The following SNTG1 variants were observed in gnomAD, a reference collection of about 807,000 sequenced individuals.
The protein encoded by SNTG1 is gamma-1-syntrophin.
In SNTG1, 39 loss-of-function variants were observed where a neutral mutation model predicts 74.7. The ratio of observed to expected loss-of-function variants is 0.52; its 90% CI spans 0.40 to 0.68. SNTG1 has a LOEUF of 0.68. Among genes scored for constraint, SNTG1 ranks in the 30% least tolerant of loss-of-function variants. The pLI, the probability that SNTG1 is intolerant of heterozygous loss-of-function variation, is 0.00. For missense variants in SNTG1, 685 were observed against 609.5 expected (o/e 1.12, Z -1.30); for synonymous variants, 254 against 217.1 (o/e 1.17, Z -1.49).
intron 17 of SNTG1, among the ~76,000 whole-genome samples, chr8:50,745,366 T>A (rs1563802109): frequency 6.6e-6 from 1 of 151,954 alleles, no homozygotes; most frequent in Non-Finnish European, 1.5e-5. Context: ...TTCATTGGGA[T>A]GGCAAAAATC....
At chr8:50,533,264 G>A (rs1468396824) in intron 10 of SNTG1, among the ~76,000 whole-genome samples, 1 of 152,166 alleles carries the variant, frequency 6.6e-6, no homozygotes, top group Non-Finnish European at 1.5e-5. Flanking sequence ...CTTCTTAACT[G>A]TACACCTTTA....
chr8:50,221,660 C>T (rs2085075823), intron 2 of SNTG1, among the ~76,000 whole-genome samples: 2 of 151,676 alleles, frequency 1.3e-5, no homozygotes, highest in South Asian at 4.2e-4. Context: ...TATGTGTGAC[C>T]CATTTAAAAA....
chr8:50,622,528 C>T (rs976122530), intron 13 of SNTG1, among the ~76,000 whole-genome samples: 3 of 151,942 alleles, frequency 2.0e-5, no homozygotes, highest in Admixed American at 6.6e-5. Flanking sequence ...TTAAGGTAGT[C>T]GTTTAGTTAG....
intron 2 of SNTG1, among the ~76,000 whole-genome samples, chr8:50,213,692 T>C (rs2084633200): frequency 6.6e-6 from 1 of 151,856 alleles, no homozygotes; most frequent in Non-Finnish European, 1.5e-5. Context: ...ATGGTGAGCA[T>C]TTTTTCATGT....
At chr8:50,688,259 A>AAGGGC (rs1201654602) in intron 15 of SNTG1, among the ~76,000 whole-genome samples, 3 of 152,138 alleles carry the variant, frequency 2.0e-5, no homozygotes. Flanking sequence ...TCTTTAGTTT[A>AAGGGC]ATTAGATCCC....
chr8:50,553,221 G>A, intron 12 of SNTG1, 42 bp downstream of exon 12: 1 of 1,611,230 alleles, frequency 6.2e-7, no homozygotes. Flanking sequence ...GGTTTCTCAG[G>A]CTTTATAAAA....
chr8:50,347,984 G>C (rs1260775435), intron 2 of SNTG1, among the ~76,000 whole-genome samples: 1 of 152,128 alleles, frequency 6.6e-6, no homozygotes, highest in Non-Finnish European at 1.5e-5. Context: ...ACTTCCCCAA[G>C]AAACATTTTT....
intron 9 of SNTG1, among the ~76,000 whole-genome samples, chr8:50,505,149 T>C (rs1367897360): frequency 4.6e-5 from 7 of 152,320 alleles, no homozygotes; most frequent in African/African-American, 1.7e-4. Context: ...ATCTATGTTG[T>C]AGAATAGGAC....
intron 17 of SNTG1, among the ~76,000 whole-genome samples, chr8:50,731,257 G>A (rs1394949217): frequency 6.6e-6 from 1 of 152,088 alleles, no homozygotes; most frequent in Admixed American, 6.6e-5. Context: ...CACAAAAGGA[G>A]ATAAACAGGA....
At chr8:50,151,461 G>A (rs1027465056) in intron 1 of SNTG1, among the ~76,000 whole-genome samples, 1 of 151,982 alleles carries the variant, frequency 6.6e-6, no homozygotes, top group Admixed American at 6.6e-5. Context: ...GCTTTTGAAT[G>A]TGTTTCCTCT....
chr8:50,006,729 C>T (rs1815277453), intron 1 of SNTG1, among the ~76,000 whole-genome samples: 1 of 152,102 alleles, frequency 6.6e-6, no homozygotes, highest in Non-Finnish European at 1.5e-5. Flanking sequence ...TTTGGGTGAG[C>T]AGACGAAACT....
At chr8:50,126,585 A>G (rs914243006) in intron 1 of SNTG1, among the ~76,000 whole-genome samples, 4 of 152,018 alleles carry the variant, frequency 2.6e-5, no homozygotes, top group African/African-American at 9.7e-5. Flanking sequence ...TATAAAGCAT[A>G]TATACATTTA....
intron 2 of SNTG1, among the ~76,000 whole-genome samples, chr8:50,362,555 C>T (rs1327287683): frequency 2.0e-5 from 3 of 151,428 alleles, no homozygotes; most frequent in East Asian, 3.9e-4. Flanking sequence ...TGATTTAGCA[C>T]TCTAATTTTC....
At chr8:50,290,136 C>G (rs1430818490) in intron 2 of SNTG1, among the ~76,000 whole-genome samples, 1 of 152,136 alleles carries the variant, frequency 6.6e-6, no homozygotes, top group Non-Finnish European at 1.5e-5. Context: ...CCACACAGGG[C>G]TGGGGTCTCT....
intron 2 of SNTG1, among the ~76,000 whole-genome samples, chr8:50,392,980 T>G (rs894666926): frequency 1.3e-5 from 2 of 152,140 alleles, no homozygotes; most frequent in South Asian, 4.1e-4. Flanking sequence ...TCAATACATA[T>G]CAAAATTTTC....
Position 50,606,449 on chromosome 8 carries a change from T to G in SNTG1, c.849+15532T>G, listed in dbSNP as rs767397708. Among the ~76,000 whole-genome samples the G allele has an allele frequency of 7.2e-5, 11 of 152,078 alleles. 1 individual carries two copies. The highest frequency in any genetic ancestry group is 1.5e-4 in the Non-Finnish European group (10 of 67,950). ...AATGACAAATTTTTGATTTTTATATTGATTTAGTTTCCTGCATTATTTCTA... is the reference window on the plus strand; with the variant it reads ...AATGACAAATTTTTGATTTTTATATGGATTTAGTTTCCTGCATTATTTCTA... On this transcript the variant is annotated intron_variant, in intron 13 of 18. Coordinates refer to ENST00000642720, the MANE Select transcript of SNTG1 (RefSeq NM_018967.5).
intron 18 of SNTG1, among the ~76,000 whole-genome samples, chr8:50,771,476 A>G (rs1225097165): frequency 6.6e-6 from 1 of 152,176 alleles, no homozygotes; most frequent in Non-Finnish European, 1.5e-5. Context: ...AGTAAGATTT[A>G]AGAGCAAAGA....
intron 1 of SNTG1, among the ~76,000 whole-genome samples, chr8:49,987,649 C>CTTTTTT (rs35381511): frequency 7.6e-6 from 1 of 131,552 alleles, no homozygotes; most frequent in Admixed American, 8.2e-5. Flanking sequence ...TTAAATTAAC[C>CTTTTTT]TTTTTTTTTT....
intron 1 of SNTG1, among the ~76,000 whole-genome samples, chr8:50,107,551 A>G (rs1463550448): frequency 6.7e-6 from 1 of 149,822 alleles, no homozygotes; most frequent in Non-Finnish European, 1.5e-5. Flanking sequence ...TGCGGAATCA[A>G]GGTTTTTTGT....
Sources: allele counts gnomAD v4.1 joint callset (sites outside exome capture counted in the v4.1 genomes callset), GRCh38; gene constraint gnomAD v4.1.1; transcripts MANE v1.5; gene names NCBI Gene and HGNC (gene_info 2026-07-23, HGNC 2026-07-21).